The following ABI3BP variants were observed in gnomAD, a reference collection of about 807,000 sequenced individuals.
The protein encoded by ABI3BP is ABI family member 3 binding protein, also known as target of Nesh-SH3.
In ABI3BP, 216 loss-of-function variants were observed where a neutral mutation model predicts 268.6. The observed-to-expected ratio is 0.80, with a 90% CI of 0.72 to 0.90. The LOEUF is 0.90. Ranked by LOEUF, ABI3BP falls within the 40% of genes least tolerant of loss-of-function variation. The pLI is 0.00. For missense variants in ABI3BP, 2,090 were observed against 2,182.4 expected (o/e 0.96, Z 0.84); for synonymous variants, 730 against 730.0 (o/e 1.00, Z 0.00).
intron 20 of ABI3BP, chr3:100,843,519 ATG>A (rs529259315): frequency 1.5e-3 from 1,304 of 849,176 alleles, no homozygotes; most frequent in East Asian, 5.2e-3. Context: ...GAGGGAGAGG[ATG>A]TGTGTGTGTG....
chr3:100,804,137 C>G (rs928819447), intron 51 of ABI3BP, among the ~76,000 whole-genome samples: 1 of 152,142 alleles, frequency 6.6e-6, no homozygotes, highest in African/African-American at 2.4e-5. Context: ...CAGCGGCTTC[C>G]TAAGGCCACT....
At chr3:100,751,729 C>T in intron 66 of ABI3BP, 55 bp from the exon 67 acceptor site, 1 of 1,489,982 alleles carries the variant, frequency 6.7e-7, no homozygotes, top group Non-Finnish European at 9.0e-7. Context: ...TGAAATGTGA[C>T]AATTTTGAAA....
intron 48 of ABI3BP, 75 bp downstream of exon 48, chr3:100,811,155 G>A: frequency 9.6e-6 from 12 of 1,253,248 alleles, no homozygotes; most frequent in Non-Finnish European, 1.3e-5. Flanking sequence ...CACAATGAGA[G>A]AGACCCAGAG....
chr3:100,804,216 C>T (rs2097625559), intron 51 of ABI3BP, among the ~76,000 whole-genome samples: 1 of 152,086 alleles, frequency 6.6e-6, no homozygotes. Flanking sequence ...ATTACCTTCC[C>T]CATATGTGAA....
chr3:100,890,770 T>C lies in ABI3BP; in HGVS notation c.462-4447A>G, dbSNP rs565577040. On this transcript the variant is annotated intron_variant, in intron 4 of 67. Transcript: ENST00000471714. ...TCATAACTAACTTAAAATCTACTCT[T>C]CATTTTCTTTTCCAAATCTGTTTCT... 5.3e-5 allele frequency among the ~76,000 whole-genome samples: 8 copies of C among 152,278 alleles called. No homozygotes were observed. The South Asian group carries it at 1.7e-3, about 32-fold the overall frequency.
intron 33 of ABI3BP, 78 bp downstream of exon 33, chr3:100,829,503 A>G: frequency 7.4e-7 from 1 of 1,342,856 alleles, no homozygotes. Flanking sequence ...GCTGCTGACC[A>G]TGCCCAGCTA....
At chr3:100,920,239 C>T (rs2059837273) in intron 2 of ABI3BP, among the ~76,000 whole-genome samples, 2 of 152,100 alleles carry the variant, frequency 1.3e-5, no homozygotes, top group Admixed American at 6.6e-5. Flanking sequence ...TCAACCTAGG[C>T]ACTAACCTCT....
intron 1 of ABI3BP, among the ~76,000 whole-genome samples, chr3:100,958,550 A>C (rs2077649287): frequency 6.6e-6 from 1 of 152,232 alleles, no homozygotes; most frequent in African/African-American, 2.4e-5. Flanking sequence ...AACTTTTGTA[A>C]AACATTGAAC....
At chr3:100,959,452 T>C (rs1300576032) in intron 1 of ABI3BP, among the ~76,000 whole-genome samples, 1 of 125,438 alleles carries the variant, frequency 8.0e-6, no homozygotes. Flanking sequence ...ATCGCGCCAC[T>C]GCACTCCAGC....
chr3:100,946,368 CAAAA>C (rs397990638), intron 1 of ABI3BP, among the ~76,000 whole-genome samples: 4 of 82,568 alleles, frequency 4.8e-5, no homozygotes, highest in Admixed American at 1.4e-4. Context: ...GACTCTATCT[CAAAA>C]AAAAAAAAAA....
At chr3:100,758,110 A>G (rs1386166099) in intron 63 of ABI3BP, among the ~76,000 whole-genome samples, 7 of 135,782 alleles carry the variant, frequency 5.2e-5, no homozygotes, top group African/African-American at 2.3e-4. Context: ...ACAAACAAAC[A>G]AAAAAAAAAC....
rs200411886 is a variant in ABI3BP, at chr3:100,885,545, G to C, written c.687C>G (p.Asp229Glu). Reference sequence around the variant, plus strand: ...ATAAACTGTTACATACCACTGTGTGGTCTTGGTCATAGGTACTTTGGATTT... The same window carrying C: ...ATAAACTGTTACATACCACTGTGTGCTCTTGGTCATAGGTACTTTGGATTT... ...NGKIQSTYDQ[D>E]HTVPAYVPRK... The change falls in exon 6 of 68, where the codon GAC becomes GAG. Residue 229 changes from aspartate to glutamate, a missense_variant. Coordinates refer to ENST00000471714, the MANE Select transcript of ABI3BP (RefSeq NM_001375547.2). 2,475 of 1,554,232 alleles carry C rather than the reference G, an allele frequency of 1.6e-3. 4 individuals are homozygous for C. Among genetic ancestry groups the C allele is most frequent in the Non-Finnish European group, 2.1e-3 (2,352 of 1,145,154 alleles).
intron 14 of ABI3BP, among the ~76,000 whole-genome samples, chr3:100,858,146 A>G (rs1474176755): frequency 6.6e-6 from 1 of 152,248 alleles, no homozygotes; most frequent in East Asian, 1.9e-4. Flanking sequence ...CTAGATACAA[A>G]ATTTATAGGT....
chr3:100,812,573 AT>A, intron 45 of ABI3BP, 50 bp from the exon 46 acceptor site: 1 of 1,216,116 alleles, frequency 8.2e-7, no homozygotes, highest in Non-Finnish European at 1.0e-6. Context: ...GGTTGTAAGT[AT>A]TTATAAAAGT....
Position 100,846,430 on chromosome 3 carries a change from T to G in ABI3BP, c.1665A>C (p.Gln555His). The G allele has an allele frequency of 6.3e-7, 1 of 1,596,968 alleles. No individual in the cohort carries two copies. The highest frequency in any genetic ancestry group is 8.5e-7 in the Non-Finnish European group (1 of 1,170,984). Reference protein sequence around the residue: ...TWTTPAPGKTQFISLKPKIPL... With the variant: ...TWTTPAPGKTHFISLKPKIPL... ...GGATTTTAGGTTTCAGAGAAATAAA[T>G]TGTGTTTTACCGGGAGCTGGAAAAA... The change falls in exon 20 of 68, where the codon CAA becomes CAC. Residue 555 changes from glutamine to histidine, a missense_variant. Gln to His is a conservative substitution (Grantham distance 24). Coordinates refer to ENST00000471714, the MANE Select transcript of ABI3BP (RefSeq NM_001375547.2).
In ABI3BP at chr3:100,770,909, G is replaced by A. The variant is rs2096527101; in HGVS notation, c.4575C>T (p.Cys1525=). The change falls in exon 62 of 68, where the codon TGC becomes TGT. Residue 1525 remains cysteine (C), a synonymous_variant. Coordinates refer to ENST00000471714, the MANE Select transcript of ABI3BP (RefSeq NM_001375547.2). ...ACCGTTTGACAGAGTCAGTAATGGA[G>A]CAGGGACTGTTGTCAGGCTTTTGGA... ...RYIQKPDNSP[C]SITDSVKRFP... The A allele has an allele frequency of 6.3e-7, 1 of 1,599,612 alleles. No individual in the cohort carries two copies. Among genetic ancestry groups the A allele is most frequent in the African/African-American group, 1.3e-5 (1 of 74,630 alleles).
rs12107754 is a variant in ABI3BP, at chr3:100,828,293, C to T, written c.2602+100G>A. On this transcript the variant is annotated intron_variant, in intron 34 of 67. Coordinates refer to ENST00000471714, the MANE Select transcript of ABI3BP (RefSeq NM_001375547.2). ...GCAACTTGTTTTATGCATGTTCAACCGTTACAAAACCAAAAATGTAATTGA... is the reference window on the plus strand; with the variant it reads ...GCAACTTGTTTTATGCATGTTCAACTGTTACAAAACCAAAAATGTAATTGA... The T allele has an allele frequency of 9.5e-4, 1,059 of 1,116,392 alleles. 6 individuals are homozygous for T. The African/African-American group carries it at 0.013, about 14-fold the overall frequency. 69.2% of individuals were successfully genotyped at this position (1,116,392 alleles called of 1,614,324 possible).
intron 1 of ABI3BP, among the ~76,000 whole-genome samples, chr3:100,945,977 C>T (rs888222374): frequency 1.3e-5 from 2 of 152,042 alleles, no homozygotes; most frequent in Non-Finnish European, 1.5e-5. Context: ...TGTGATCATC[C>T]AGAAAATGAG....
chr3:100,901,368 A>G (rs1032373963), intron 3 of ABI3BP, among the ~76,000 whole-genome samples: 1 of 152,234 alleles, frequency 6.6e-6, no homozygotes, highest in African/African-American at 2.4e-5. Flanking sequence ...CCAGAAAAAT[A>G]TAGCAAACAA....
Sources: allele counts gnomAD v4.1 joint callset (sites outside exome capture counted in the v4.1 genomes callset), GRCh38; gene constraint gnomAD v4.1.1; transcripts MANE v1.5; gene names NCBI Gene and HGNC (gene_info 2026-07-23, HGNC 2026-07-21).